The following CGNL1 variants were observed in gnomAD, a reference collection of about 807,000 sequenced individuals.
The protein encoded by CGNL1 is cingulin-like protein 1.
Under a neutral mutation model 141.2 loss-of-function variants are expected in CGNL1, and 132 were observed. That is an observed-to-expected ratio of 0.93 (90% CI 0.81 to 1.08). CGNL1 has a LOEUF of 1.08. Among genes scored for constraint, CGNL1 ranks in the 50% least tolerant of loss-of-function variants. The pLI is 0.00. For synonymous variants in CGNL1, 690 were observed against 622.1 expected, an observed-to-expected ratio of 1.11 and a Z score of -1.63; for missense variants, 1,870 against 1,588.6, an observed-to-expected ratio of 1.18 and a Z score of -3.01.
chr15:57,410,477 A>G (rs2062774061), intron 1 of CGNL1, among the ~76,000 whole-genome samples: 4 of 152,052 alleles, frequency 2.6e-5, no homozygotes, highest in Non-Finnish European at 4.4e-5. Context: ...CCTCTCTTCT[A>G]TTCCATGTCG....
intron 8 of CGNL1, among the ~76,000 whole-genome samples, chr15:57,493,308 G>GA (rs1344592429): frequency 6.6e-6 from 1 of 152,086 alleles, no homozygotes; most frequent in Non-Finnish European, 1.5e-5. Flanking sequence ...CTTTTGACAG[G>GA]GTTACTAGGC....
chr15:57,545,738 T>C, intron 17 of CGNL1, 38 bp downstream of exon 17: 1 of 1,533,826 alleles, frequency 6.5e-7, no homozygotes, highest in Non-Finnish European at 8.9e-7. Flanking sequence ...TTAGATGAGA[T>C]TGCGTGTCTC....
intron 1 of CGNL1, among the ~76,000 whole-genome samples, chr15:57,391,645 G>A (rs755691519): frequency 6.6e-6 from 1 of 152,218 alleles, no homozygotes; most frequent in Non-Finnish European, 1.5e-5. Flanking sequence ...TGGTTAAAAA[G>A]TGGTTTAAAT....
intron 8 of CGNL1, among the ~76,000 whole-genome samples, chr15:57,504,222 C>T (rs2064068292): frequency 6.6e-6 from 1 of 152,216 alleles, no homozygotes; most frequent in Admixed American, 6.5e-5. Context: ...CATTACATTT[C>T]ATCCTCACCA....
intron 1 of CGNL1, among the ~76,000 whole-genome samples, chr15:57,408,915 G>C (rs2062753618): frequency 6.6e-6 from 1 of 151,968 alleles, no homozygotes; most frequent in Non-Finnish European, 1.5e-5. Flanking sequence ...GGTGGTGTGC[G>C]CCTGTAATCC....
intron 8 of CGNL1, chr15:57,477,632 T>A (rs1309334254): frequency 6.6e-6 from 1 of 152,288 alleles, no homozygotes; most frequent in Non-Finnish European, 1.5e-5. Flanking sequence ...AGGCATTTCA[T>A]GACTCTAAGC....
chr15:57,487,408 C>G (rs1595756165), intron 8 of CGNL1, among the ~76,000 whole-genome samples: 1 of 151,808 alleles, frequency 6.6e-6, no homozygotes, highest in Non-Finnish European at 1.5e-5. Context: ...TGCTGTTTTT[C>G]TGGGCAAAAG....
intron 4 of CGNL1, among the ~76,000 whole-genome samples, chr15:57,443,424 C>T (rs1377390698): frequency 6.6e-6 from 1 of 152,220 alleles, no homozygotes; most frequent in Non-Finnish European, 1.5e-5. Flanking sequence ...CCTTTCCCCT[C>T]CCAGGGGAGT....
At chr15:57,451,185 G>A (rs998332902) in intron 4 of CGNL1, among the ~76,000 whole-genome samples, 2 of 151,946 alleles carry the variant, frequency 1.3e-5, no homozygotes, top group South Asian at 2.1e-4. Context: ...AATACATTAC[G>A]GACTTCTAAC....
rs1287154870 is a variant in CGNL1, at chr15:57,439,394, C to T, written c.1395C>T (p.Asn465=). 4 of 1,614,180 alleles carry T rather than the reference C, an allele frequency of 2.5e-6. No homozygotes were observed. Among genetic ancestry groups the T allele is most frequent in the Non-Finnish European group, 3.4e-6 (4 of 1,180,026 alleles). ...CCCACTCCAGGCCTCCCCAGCCGAA[C>T]ATAGATGGGAAAGTTCTGGAAACCG... ...SCAHSRPPQP[N]IDGKVLETEG... The change falls in exon 2 of 19, where the codon AAC becomes AAT. Residue 465 remains asparagine (N), a synonymous_variant. Transcript: ENST00000281282.
intron 8 of CGNL1, among the ~76,000 whole-genome samples, chr15:57,504,767 C>T (rs1273442460): frequency 6.6e-6 from 1 of 152,120 alleles, no homozygotes; most frequent in East Asian, 1.9e-4. Context: ...TTTCCTTGGC[C>T]AAAGCTAATC....
intron 1 of CGNL1, among the ~76,000 whole-genome samples, chr15:57,422,413 G>A (rs1253233968): frequency 6.6e-6 from 1 of 152,110 alleles, no homozygotes; most frequent in Non-Finnish European, 1.5e-5. Flanking sequence ...TTGTGTGTTG[G>A]TTTTTAATAC....
intron 10 of CGNL1, among the ~76,000 whole-genome samples, chr15:57,521,136 C>A (rs1487101372): frequency 6.6e-6 from 1 of 152,072 alleles, no homozygotes; most frequent in Non-Finnish European, 1.5e-5. Context: ...CTGATACTGT[C>A]CACATGAAGG....
At chr15:57,429,457 C>G (rs2063018523) in intron 1 of CGNL1, among the ~76,000 whole-genome samples, 1 of 152,276 alleles carries the variant, frequency 6.6e-6, no homozygotes, top group Non-Finnish European at 1.5e-5. Flanking sequence ...CGATAATAAC[C>G]CTTTATTGAT....
intron 8 of CGNL1, among the ~76,000 whole-genome samples, chr15:57,493,236 G>A (rs1426478925): frequency 6.6e-6 from 1 of 152,134 alleles, no homozygotes; most frequent in East Asian, 1.9e-4. Context: ...TTAAGTAAGA[G>A]CTGAAGAAGA....
chr15:57,453,799 A>G lies in CGNL1; in HGVS notation c.2171A>G (p.Glu724Gly). 6.2e-7 allele frequency: 1 copy of G among 1,613,678 alleles called. No homozygotes were observed. Residue 724 changes from glutamate to glycine, a missense_variant, in exon 7 of 19, where the codon GAG becomes GGG. Physicochemically the swap from Glu to Gly is moderately conservative, Grantham distance 98 (BLOSUM62 -2). Coordinates refer to ENST00000281282, the MANE Select transcript of CGNL1 (RefSeq NM_032866.5). ...LDSAKRSEDR[E>G]KGALIEELLQ... is the part of the protein sequence containing the mutation. ...AGTGCAAAGCGATCGGAGGACAGGG[A>G]GAAGGGAGCTCTGATTGAGGTAAGC...
intron 1 of CGNL1, among the ~76,000 whole-genome samples, chr15:57,389,898 TC>T (rs5812891): frequency 1 from 152,113 of 152,230 alleles, 75,998 homozygotes; most frequent in Non-Finnish European, 1. Context: ...CACTGCAACC[TC>T]CCACCTCCTG....
chr15:57,421,225 G>A (rs1357888157), intron 1 of CGNL1, among the ~76,000 whole-genome samples: 1 of 152,194 alleles, frequency 6.6e-6, no homozygotes, highest in Non-Finnish European at 1.5e-5. Context: ...TGGCACCTTG[G>A]TCTTGGACTT....
intron 1 of CGNL1, among the ~76,000 whole-genome samples, chr15:57,431,828 C>G (rs1017434532): frequency 6.6e-6 from 1 of 152,054 alleles, no homozygotes; most frequent in Non-Finnish European, 1.5e-5. Flanking sequence ...CCCAGGGAAG[C>G]CAAAAGATTG....
Sources: allele counts gnomAD v4.1 joint callset (sites outside exome capture counted in the v4.1 genomes callset), GRCh38; gene constraint gnomAD v4.1.1; transcripts MANE v1.5; gene names NCBI Gene and HGNC (gene_info 2026-07-23, HGNC 2026-07-21).